The following CACNA2D4 variants were observed in gnomAD, a reference collection of about 807,000 sequenced individuals.
CACNA2D4 encodes the protein voltage-dependent calcium channel subunit alpha-2/delta-4.
Under a neutral mutation model 163.8 loss-of-function variants are expected in CACNA2D4, and 157 were observed. That is an observed-to-expected ratio of 0.96 (90% CI 0.84 to 1.09). The LOEUF (loss-of-function observed/expected upper bound fraction) is 1.09, where lower values mean the gene tolerates loss of function less well. Ranked by LOEUF, CACNA2D4 falls within the 50% of genes least tolerant of loss-of-function variation. CACNA2D4 has a pLI of 0.00. For missense variants in CACNA2D4, 1,410 were observed against 1,479.9 expected, an observed-to-expected ratio of 0.95 and a Z score of 0.78; for synonymous variants, 598 against 586.9, an observed-to-expected ratio of 1.02 and a Z score of -0.27.
intron 3 of CACNA2D4, among the ~76,000 whole-genome samples, chr12:1,911,022 T>C (rs1220040095): frequency 1.7e-5 from 1 of 58,232 alleles, no homozygotes; most frequent in Non-Finnish European, 2.8e-5. Context: ...CGCAATACAA[T>C]TTTTTTTTTT....
intron 26 of CACNA2D4, among the ~76,000 whole-genome samples, chr12:1,818,858 C>T (rs1330525282): frequency 1.0e-4 from 15 of 148,752 alleles, no homozygotes; most frequent in Admixed American, 8.0e-4. Context: ...CTGCGGAAGG[C>T]GGCAGGGCCC....
At chr12:1,857,548 T>C (rs969300612) in intron 20 of CACNA2D4, among the ~76,000 whole-genome samples, 2 of 152,178 alleles carry the variant, frequency 1.3e-5, no homozygotes, top group Non-Finnish European at 2.9e-5. Context: ...ACTCAGCAGA[T>C]AGCAGAGGGT....
chr12:1,802,790 C>A lies in CACNA2D4; in HGVS notation c.2722-1146G>T, dbSNP rs1045702712. Among the ~76,000 whole-genome samples, 4 of 152,186 alleles carry A rather than the reference C, an allele frequency of 2.6e-5. No homozygotes were observed. The highest frequency in any genetic ancestry group is 4.4e-5 in the Non-Finnish European group (3 of 68,030). ...CAAGGAACTTCTTTCCTCACCCTCG[C>A]TGGGAAGTCTTTCTATTCTAACTTT... On this transcript the variant is annotated intron_variant, in intron 29 of 37. Coordinates refer to ENST00000382722, the MANE Select transcript of CACNA2D4 (RefSeq NM_172364.5). The surrounding 1 kb of genome is among the most constrained non-coding windows in gnomAD (Gnocchi z 4.7).
chr12:1,803,713 C>T (rs1197557469), intron 29 of CACNA2D4, among the ~76,000 whole-genome samples: 2 of 152,194 alleles, frequency 1.3e-5, no homozygotes, highest in Non-Finnish European at 2.9e-5. Context: ...AATGGCCTGA[C>T]CACCAAAAAC....
At chr12:1,803,838 C>A (rs567590256) in intron 29 of CACNA2D4, among the ~76,000 whole-genome samples, 25 of 152,286 alleles carry the variant, frequency 1.6e-4, no homozygotes, top group African/African-American at 5.5e-4. Context: ...AGGCAGGGAA[C>A]ACACAAACTC....
chr12:1,897,670 A>G (rs1360291050), intron 6 of CACNA2D4, among the ~76,000 whole-genome samples: 1 of 152,214 alleles, frequency 6.6e-6, no homozygotes, highest in Non-Finnish European at 1.5e-5. Context: ...AAAATGACAG[A>G]AAGTTCGTAA....
Position 1,878,296 on chromosome 12 carries a change from A to G in CACNA2D4, c.1719+19T>C, listed in dbSNP as rs1865921733. Reference sequence around the variant, plus strand: ...TCCCATACAGTAAGGATCCCAAGGCAAAGAAGATCTGTACCTACCAGGGGC... The same window carrying G: ...TCCCATACAGTAAGGATCCCAAGGCGAAGAAGATCTGTACCTACCAGGGGC... On this transcript the variant is annotated intron_variant, in intron 16 of 37. Transcript: ENST00000382722. The surrounding 1 kb of genome is among the most constrained non-coding windows in gnomAD (Gnocchi z 4.6). The G allele has an allele frequency of 6.2e-7, 1 of 1,603,016 alleles. No individual in the cohort carries two copies. Among genetic ancestry groups the G allele is most frequent in the East Asian group, 2.2e-5 (1 of 44,556 alleles).
intron 6 of CACNA2D4, among the ~76,000 whole-genome samples, chr12:1,897,466 G>A (rs1002467280): frequency 5.9e-5 from 9 of 152,132 alleles, no homozygotes. Flanking sequence ...CACCTTCTGT[G>A]CATATAACAA....
rs1412155838 is a variant in CACNA2D4 at position 1,843,950 on chromosome 12, G to A, written c.2470+452C>T. On this transcript the variant is annotated intron_variant, in intron 25 of 37. Coordinates refer to ENST00000382722, the MANE Select transcript of CACNA2D4 (RefSeq NM_172364.5). The surrounding 1 kb of genome is among the most constrained non-coding windows in gnomAD (Gnocchi z 4.6). ...TGGGTGGTCCTGGGTAACTGGGGAC[G>A]GGTTGCTTTCTTTCTGTTTGGGAAG... Among the ~76,000 whole-genome samples the A allele has an allele frequency of 6.6e-6, 1 of 152,158 alleles. No homozygotes were observed. The highest frequency in any genetic ancestry group is 1.9e-4 in the East Asian group (1 of 5,178).
intron 13 of CACNA2D4, among the ~76,000 whole-genome samples, chr12:1,882,371 C>A (rs1007504063): frequency 6.6e-6 from 1 of 152,238 alleles, no homozygotes; most frequent in Non-Finnish European, 1.5e-5. Flanking sequence ...AGAAAGGTCT[C>A]CCTTCCCCAG....
At position 1,834,552 on chromosome 12, in the gene CACNA2D4, G is replaced by C. The variant is rs200232561; in HGVS notation, c.2551+6187C>G. On this transcript the variant is annotated intron_variant, in intron 26 of 37. Transcript: ENST00000382722. The surrounding 1 kb of genome is among the most constrained non-coding windows in gnomAD (Gnocchi z 7.6). ...GCCATGGGCACGGTGATCATTGCAG[G>C]GGTCGTGTGCGGCGTCGTCTGCATC... The C allele has an allele frequency of 1.2e-6, 2 of 1,603,570 alleles. No individual in the cohort carries two copies. The highest frequency in any genetic ancestry group is 1.6e-4 in the Middle Eastern group (1 of 6,062).
chr12:1,824,516 C>T (rs993045227), intron 26 of CACNA2D4, among the ~76,000 whole-genome samples: 1 of 152,172 alleles, frequency 6.6e-6, no homozygotes, highest in Non-Finnish European at 1.5e-5. Context: ...AGGCCTGGCC[C>T]CTTATCTTTG....
At chr12:1,811,048 G>A (rs576623785) in intron 27 of CACNA2D4, among the ~76,000 whole-genome samples, 1 of 152,290 alleles carries the variant, frequency 6.6e-6, no homozygotes, top group African/African-American at 2.4e-5. Flanking sequence ...TGAGGCGGTG[G>A]GTGACCGCAG....
chr12:1,814,456 A>C (rs181631751), intron 26 of CACNA2D4, among the ~76,000 whole-genome samples: 1 of 152,306 alleles, frequency 6.6e-6, no homozygotes, highest in Admixed American at 6.5e-5. Context: ...AGCGCTAATG[A>C]GTGCGTTTTA....
At chr12:1,891,348 T>C (rs1866276545) in intron 6 of CACNA2D4, among the ~76,000 whole-genome samples, 1 of 152,146 alleles carries the variant, frequency 6.6e-6, no homozygotes, top group South Asian at 2.1e-4. Flanking sequence ...AGAAATCATA[T>C]TGAGACTACA....
chr12:1,822,224 T>G (rs1192934300), intron 26 of CACNA2D4: 1 of 152,182 alleles, frequency 6.6e-6, no homozygotes, highest in Non-Finnish European at 1.5e-5. Flanking sequence ...AGGAGCAAAC[T>G]CTGCTCCCGT....
At chr12:1,876,511 G>C (rs1592727398) in intron 16 of CACNA2D4, among the ~76,000 whole-genome samples, 1 of 152,206 alleles carries the variant, frequency 6.6e-6, no homozygotes, top group African/African-American at 2.4e-5. Flanking sequence ...GTAAATTAAG[G>C]ATTAATTAAC....
At chr12:1,881,436 C>T (rs1176262368) in intron 13 of CACNA2D4, among the ~76,000 whole-genome samples, 1 of 152,236 alleles carries the variant, frequency 6.6e-6, no homozygotes, top group African/African-American at 2.4e-5. Context: ...CATCGGATTT[C>T]ATGGTTCTGA....
chr12:1,868,327 G>A (rs1253983686), intron 18 of CACNA2D4, among the ~76,000 whole-genome samples: 1 of 152,084 alleles, frequency 6.6e-6, no homozygotes, highest in Non-Finnish European at 1.5e-5. Flanking sequence ...GAACCTAGAG[G>A]ACATTATGCT....
Sources: allele counts gnomAD v4.1 joint callset (sites outside exome capture counted in the v4.1 genomes callset), GRCh38; gene constraint gnomAD v4.1.1; non-coding constraint Gnocchi (gnomAD v3.1); transcripts MANE v1.5; gene names NCBI Gene and HGNC (gene_info 2026-07-23, HGNC 2026-07-21).